Variants in TSPAN18 observed in about 807,000 individuals in gnomAD.
TSPAN18 encodes tetraspanin-18.
In TSPAN18, 14 loss-of-function variants were observed where a neutral mutation model predicts 27.3. The ratio of observed to expected loss-of-function variants is 0.51; its 90% CI spans 0.34 to 0.80. The LOEUF (loss-of-function observed/expected upper bound fraction) is 0.80. TSPAN18 is among the 30% of genes least tolerant of loss of function. TSPAN18 has a pLI of 0.01. For missense variants in TSPAN18, 268 were observed against 323.9 expected, an observed-to-expected ratio of 0.83 and a Z score of 1.32; for synonymous variants, 143 against 136.5, an observed-to-expected ratio of 1.05 and a Z score of -0.33.
Position 44,730,843 on chromosome 11 carries a change from C to T in TSPAN18, c.-240+3556C>T, listed in dbSNP as rs188462407. On this transcript the variant is annotated intron_variant, in intron 1 of 9. Transcript: ENST00000520358. The stretch of plus-strand genomic sequence containing the variant: ...GTTTCACCATGTTGGTCAGGCTGGT[C>T]GCAAACTCCTGACCTCGTGATTCAC... Among the ~76,000 whole-genome samples the T allele has an allele frequency of 3.7e-3, 566 of 152,172 alleles. 4 individuals carry two copies. The highest frequency in any genetic ancestry group is 0.013 in the African/African-American group (544 of 41,518).
intron 2 of TSPAN18, among the ~76,000 whole-genome samples, chr11:44,855,153 T>C (rs1857702354): frequency 6.6e-6 from 1 of 152,214 alleles, no homozygotes; most frequent in African/African-American, 2.4e-5. Flanking sequence ...CTGAAGGTTT[T>C]TTTTTTCATT....
rs1554938142 is a variant in TSPAN18 at position 44,908,815 on chromosome 11, G to GAAAGAAAGAAAGA, written c.64-886_64-874dup. 3.2e-3 allele frequency among the ~76,000 whole-genome samples: 371 copies of GAAAGAAAGAAAGA among 115,252 alleles called. 40 individuals carry two copies. Among genetic ancestry groups the GAAAGAAAGAAAGA allele is most frequent in the East Asian group, 0.023 (106 of 4,646 alleles). The allele number at this position is 115,252 out of a possible 152,430, so 75.6% of individuals were successfully genotyped here. A position where few individuals can be genotyped will look rare whatever the true frequency, so the allele number is the denominator to read the frequency against. On this transcript the variant is annotated intron_variant, in intron 4 of 9. Transcript: ENST00000520358. The stretch of plus-strand genomic sequence containing the variant: ...AGAAAGAAAGAAAGAAAGAAAGAAA[G>GAAAGAAAGAAAGA]AAAGAAAGAAAGAAAAAGAAAAATG...
intron 3 of TSPAN18, among the ~76,000 whole-genome samples, chr11:44,881,250 G>C (rs1858481896): frequency 6.6e-6 from 1 of 152,266 alleles, no homozygotes; most frequent in East Asian, 1.9e-4. Context: ...CTTGTTATTG[G>C]TTGTTTTCCT....
At chr11:44,857,526 C>G (rs931451293) in intron 2 of TSPAN18, among the ~76,000 whole-genome samples, 1 of 152,216 alleles carries the variant, frequency 6.6e-6, no homozygotes. Context: ...CTGGTTGGAG[C>G]AGGTAGCTAG....
chr11:44,843,389 C>T (rs919580696), intron 2 of TSPAN18, among the ~76,000 whole-genome samples: 6 of 152,132 alleles, frequency 3.9e-5, no homozygotes, highest in African/African-American at 1.2e-4. Context: ...GGGTCACAGA[C>T]ATCAAGTATT....
intron 1 of TSPAN18, among the ~76,000 whole-genome samples, chr11:44,746,425 C>A (rs1331682057): frequency 6.6e-6 from 1 of 152,132 alleles, no homozygotes; most frequent in East Asian, 1.9e-4. Flanking sequence ...CCTCAATTTA[C>A]CCACTTGTAA....
At chr11:44,788,217 T>C (rs1178406719) in intron 2 of TSPAN18, among the ~76,000 whole-genome samples, 1 of 152,138 alleles carries the variant, frequency 6.6e-6, no homozygotes, top group Non-Finnish European at 1.5e-5. Flanking sequence ...ATGGGCGGGA[T>C]TGGTCACCGC....
At chr11:44,889,536 C>T (rs2135278635) in intron 3 of TSPAN18, among the ~76,000 whole-genome samples, 1 of 152,348 alleles carries the variant, frequency 6.6e-6, no homozygotes, top group East Asian at 1.9e-4. Flanking sequence ...AGGCCGGTGG[C>T]ATCAACCATC....
intron 3 of TSPAN18, chr11:44,897,930 C>T: frequency 8.5e-7 from 1 of 1,179,704 alleles, no homozygotes; most frequent in Non-Finnish European, 1.1e-6. Flanking sequence ...GCCTGTTTGC[C>T]TCTGTGTCTC....
At chr11:44,778,136 G>A (rs937111439) in intron 2 of TSPAN18, among the ~76,000 whole-genome samples, 5 of 152,116 alleles carry the variant, frequency 3.3e-5, no homozygotes, top group African/African-American at 1.2e-4. Flanking sequence ...TAGAAATGGG[G>A]GCTGGGCTGG....
At chr11:44,877,889 C>G (rs1462498457) in intron 3 of TSPAN18, among the ~76,000 whole-genome samples, 1 of 151,962 alleles carries the variant, frequency 6.6e-6, no homozygotes, top group Admixed American at 6.5e-5. Flanking sequence ...GCTCTCTTCT[C>G]TCCCTCTCCC....
At chr11:44,900,837 G>T (rs1307165992) in intron 3 of TSPAN18, among the ~76,000 whole-genome samples, 1 of 151,806 alleles carries the variant, frequency 6.6e-6, no homozygotes, top group Non-Finnish European at 1.5e-5. Flanking sequence ...GGGATTACAG[G>T]TTCCTGCCAC....
At chr11:44,733,419 G>A (rs1360147135) in intron 1 of TSPAN18, among the ~76,000 whole-genome samples, 6 of 152,132 alleles carry the variant, frequency 3.9e-5, no homozygotes, top group South Asian at 2.1e-4. Context: ...GTGAGTCCAC[G>A]CATGGCAAGG....
chr11:44,742,727 C>T (rs1268940010), intron 1 of TSPAN18, among the ~76,000 whole-genome samples: 2 of 152,238 alleles, frequency 1.3e-5, no homozygotes, highest in African/African-American at 2.4e-5. Flanking sequence ...CTGCCCCCAG[C>T]GTGCTGACTC....
chr11:44,800,011 T>G (rs1341855589), intron 2 of TSPAN18, among the ~76,000 whole-genome samples: 10 of 144,594 alleles, frequency 6.9e-5, no homozygotes, highest in African/African-American at 2.4e-4. Flanking sequence ...TTTGTGTTTT[T>G]TTTTTTTTTT....
At chr11:44,861,061 T>A (rs1857866011) in intron 3 of TSPAN18, among the ~76,000 whole-genome samples, 1 of 152,180 alleles carries the variant, frequency 6.6e-6, no homozygotes, top group Non-Finnish European at 1.5e-5. Context: ...CAGGCAGGGC[T>A]GAATCCAGGG....
chr11:44,727,732 G>A (rs1468529983), intron 1 of TSPAN18, among the ~76,000 whole-genome samples: 1 of 152,188 alleles, frequency 6.6e-6, no homozygotes, highest in African/African-American at 2.4e-5. Context: ...GGGCCGGGAG[G>A]GCTGTGGGGC....
chr11:44,857,819 A>ACACATATTC (rs1356012699), intron 2 of TSPAN18, among the ~76,000 whole-genome samples: 1 of 152,198 alleles, frequency 6.6e-6, no homozygotes, highest in Non-Finnish European at 1.5e-5. Flanking sequence ...ATTTACAACG[A>ACACATATTC]CACATATTCA....
In TSPAN18 at chr11:44,867,841, G is replaced by T. The variant is rs142051860; in HGVS notation, c.-11+7372G>T. Among the ~76,000 whole-genome samples, 881 of 152,316 alleles carry T rather than the reference G, an allele frequency of 5.8e-3. 5 individuals carry two copies. The highest frequency in any genetic ancestry group is 0.02 in the African/African-American group (847 of 41,570). On this transcript the variant is annotated intron_variant, in intron 3 of 9. Transcript: ENST00000520358. ...TCAAGGAGCTACAAATGGTGCCACT[G>T]GGTGGAGTGAGCAGAGGAAGTAGAG...
Sources: gnomAD v4.1 joint callset for allele counts (sites outside exome capture counted in the v4.1 genomes callset) on GRCh38, gnomAD v4.1.1 for gene constraint, MANE v1.5 for transcripts, NCBI Gene and HGNC (gene_info 2026-07-23, HGNC 2026-07-21) for gene names.